The following PRKG1 variants were observed in gnomAD, a reference collection of about 807,000 sequenced individuals.
The protein encoded by PRKG1 is protein kinase cGMP-dependent 1.
A neutral mutation model predicts 88.1 loss-of-function variants in PRKG1; 35 were observed. That is an observed-to-expected ratio of 0.40 (90% CI 0.30 to 0.53). The LOEUF is 0.53. PRKG1 is among the 20% of genes least tolerant of loss of function. The pLI, the probability that PRKG1 is intolerant of heterozygous loss-of-function variation, is 0.59. For missense variants in PRKG1, 540 were observed against 839.8 expected, an observed-to-expected ratio of 0.64 and a Z score of 4.41; for synonymous variants, 303 against 292.5, an observed-to-expected ratio of 1.04 and a Z score of -0.37.
At chr10:51,137,677 G>A (rs79027747) in intron 1 of PRKG1, among the ~76,000 whole-genome samples, 1,866 of 152,332 alleles carry the variant, frequency 0.012, 15 homozygotes, top group Middle Eastern at 0.027. Context: ...TACTGAATTT[G>A]GAAGTAATCA....
At chr10:51,100,054 T>A (rs1298665394) in intron 1 of PRKG1, among the ~76,000 whole-genome samples, 1 of 152,032 alleles carries the variant, frequency 6.6e-6, no homozygotes, top group Non-Finnish European at 1.5e-5. Context: ...CTACCACACC[T>A]GGCTAATTTT....
At chr10:52,147,475 A>G (rs1480895300) in intron 8 of PRKG1, among the ~76,000 whole-genome samples, 3 of 152,212 alleles carry the variant, frequency 2.0e-5, no homozygotes, top group African/African-American at 7.2e-5. Flanking sequence ...GATCAGAAAG[A>G]CCCAGTGACT....
At chr10:51,011,488 A>C (rs958599376) in intron 1 of PRKG1, among the ~76,000 whole-genome samples, 35 of 152,252 alleles carry the variant, frequency 2.3e-4, no homozygotes, top group Non-Finnish European at 2.9e-5. Flanking sequence ...TTGAAACTTC[A>C]TACTTAGAAG....
intron 3 of PRKG1, among the ~76,000 whole-genome samples, chr10:51,470,144 A>AAT (rs1301376273): frequency 6.6e-6 from 1 of 151,826 alleles, no homozygotes; most frequent in Non-Finnish European, 1.5e-5. Flanking sequence ...ATGACTATGT[A>AAT]ATATAACTCC....
At chr10:51,212,711 A>G (rs1838256590) in intron 2 of PRKG1, among the ~76,000 whole-genome samples, 1 of 152,224 alleles carries the variant, frequency 6.6e-6, no homozygotes, top group East Asian at 1.9e-4. Context: ...AAAACACATG[A>G]AAAAATACTC....
intron 4 of PRKG1, among the ~76,000 whole-genome samples, chr10:51,880,461 T>C (rs1306025002): frequency 6.6e-6 from 1 of 152,186 alleles, no homozygotes; most frequent in Non-Finnish European, 1.5e-5. Flanking sequence ...TCTGCTCCAC[T>C]GGAATTGCCA....
chr10:51,644,129 AC>A (rs1485975218), intron 3 of PRKG1, among the ~76,000 whole-genome samples: 2 of 152,214 alleles, frequency 1.3e-5, no homozygotes, highest in Non-Finnish European at 2.9e-5. Flanking sequence ...TCTTAGTATC[AC>A]AGAATTTTGA....
chr10:51,768,281 T>C, intron 3 of PRKG1, among the ~76,000 whole-genome samples: 1 of 152,090 alleles, frequency 6.6e-6, no homozygotes, highest in East Asian at 1.9e-4. Flanking sequence ...TTATATCAGG[T>C]TTTTCATAAG....
At chr10:52,169,883 G>A (rs918577899) in intron 9 of PRKG1, among the ~76,000 whole-genome samples, 1 of 152,172 alleles carries the variant, frequency 6.6e-6, no homozygotes, top group African/African-American at 2.4e-5. Context: ...GTTTAAGACT[G>A]AGCAAGTGGT....
At chr10:52,194,973 G>T (rs1355942762) in intron 9 of PRKG1, among the ~76,000 whole-genome samples, 3 of 152,218 alleles carry the variant, frequency 2.0e-5, no homozygotes, top group Admixed American at 1.3e-4. Flanking sequence ...AATTACTATG[G>T]TCTTATCCAC....
At chr10:52,210,369 T>G (rs1839936771) in intron 9 of PRKG1, among the ~76,000 whole-genome samples, 1 of 151,834 alleles carries the variant, frequency 6.6e-6, no homozygotes, top group Non-Finnish European at 1.5e-5. Context: ...AGCTGCACCC[T>G]CCTATTCCTG....
At chr10:51,684,667 G>A (rs1362252264) in intron 3 of PRKG1, among the ~76,000 whole-genome samples, 1 of 151,880 alleles carries the variant, frequency 6.6e-6, no homozygotes, top group Non-Finnish European at 1.5e-5. Context: ...TAAGGAGTTC[G>A]AGACCACCCA....
intron 9 of PRKG1, among the ~76,000 whole-genome samples, chr10:52,228,640 C>T (rs1034708752): frequency 1.3e-5 from 2 of 152,154 alleles, no homozygotes; most frequent in Non-Finnish European, 2.9e-5. Flanking sequence ...GTGCCAGGCA[C>T]GTAAGTAGCT....
At chr10:51,301,654 G>A (rs1840890906) in intron 2 of PRKG1, among the ~76,000 whole-genome samples, 1 of 152,212 alleles carries the variant, frequency 6.6e-6, no homozygotes, top group African/African-American at 2.4e-5. Flanking sequence ...AGAGCCAGGC[G>A]AGGGATGGCA....
At chr10:51,603,022 A>C (rs980701233) in intron 3 of PRKG1, among the ~76,000 whole-genome samples, 1 of 152,030 alleles carries the variant, frequency 6.6e-6, no homozygotes, top group Admixed American at 6.6e-5. Flanking sequence ...CAGTGGCGCA[A>C]TCTGGGCTCA....
At chr10:51,914,260 A>G (rs1242899177) in intron 5 of PRKG1, among the ~76,000 whole-genome samples, 1 of 145,004 alleles carries the variant, frequency 6.9e-6, no homozygotes, top group Non-Finnish European at 1.5e-5. Context: ...TGAGGCTATG[A>G]TGACATCTTT....
chr10:51,738,467 G>T (rs1050449233), intron 3 of PRKG1, among the ~76,000 whole-genome samples: 3 of 152,198 alleles, frequency 2.0e-5, no homozygotes, highest in Non-Finnish European at 2.9e-5. Context: ...AATTCTTCCT[G>T]CATGAAGCAG....
intron 3 of PRKG1, among the ~76,000 whole-genome samples, chr10:51,519,468 T>C (rs1841680140): frequency 6.6e-6 from 1 of 152,140 alleles, no homozygotes; most frequent in Non-Finnish European, 1.5e-5. Flanking sequence ...CTTTCTTACA[T>C]TTTGAGAAAC....
chr10:51,071,229 T>C (rs1301751464), upstream of PRKG1, among the ~76,000 whole-genome samples: 1 of 152,206 alleles, frequency 6.6e-6, no homozygotes. Flanking sequence ...AAGAAAATAT[T>C]GGAAACACTC....
Sources: gnomAD v4.1 joint callset for allele counts (sites outside exome capture counted in the v4.1 genomes callset) on GRCh38, gnomAD v4.1.1 for gene constraint, MANE v1.5 for transcripts, NCBI Gene and HGNC (gene_info 2026-07-23, HGNC 2026-07-21) for gene names.